The following GSG1L variants were observed in gnomAD, a reference collection of about 807,000 sequenced individuals.
The protein encoded by GSG1L is GSG1 like, also known as germ cell-specific gene 1-like protein.
Under a neutral mutation model 42.1 loss-of-function variants are expected in GSG1L, and 24 were observed. That is an observed-to-expected ratio of 0.57 (90% CI 0.41 to 0.80). The LOEUF (loss-of-function observed/expected upper bound fraction) is 0.80. Ranked by LOEUF, GSG1L falls within the 30% of genes least tolerant of loss-of-function variation. The pLI, the probability that GSG1L is intolerant of heterozygous loss-of-function variation, is 0.00. For missense variants in GSG1L, 445 were observed against 472.2 expected, an observed-to-expected ratio of 0.94 and a Z score of 0.53; for synonymous variants, 215 against 203.5, an observed-to-expected ratio of 1.06 and a Z score of -0.48.
At chr16:27,854,409 C>A (rs2083550049) in intron 3 of GSG1L, among the ~76,000 whole-genome samples, 1 of 152,050 alleles carries the variant, frequency 6.6e-6, no homozygotes, top group South Asian at 2.1e-4. Context: ...AAGGAATGAG[C>A]TGCACTATGC....
intron 1 of GSG1L, among the ~76,000 whole-genome samples, chr16:27,987,880 G>A (rs1457847532): frequency 6.7e-6 from 1 of 150,194 alleles, no homozygotes; most frequent in African/African-American, 2.5e-5. Flanking sequence ...CCAGGAGGCA[G>A]AGGTTGCAGT....
intron 4 of GSG1L, among the ~76,000 whole-genome samples, chr16:27,839,440 C>A (rs1407665949): frequency 6.6e-6 from 1 of 152,210 alleles, no homozygotes; most frequent in Non-Finnish European, 1.5e-5. Context: ...CCATTTCTCT[C>A]CAGACTGATA....
intron 5 of GSG1L, among the ~76,000 whole-genome samples, chr16:27,808,487 C>T (rs908845814): frequency 4.0e-5 from 6 of 150,976 alleles, no homozygotes; most frequent in East Asian, 1.9e-4. Context: ...GGCACGGTCT[C>T]GGCTCACTGC....
intron 1 of GSG1L, among the ~76,000 whole-genome samples, chr16:28,004,764 C>A (rs540748412): frequency 6.6e-6 from 1 of 151,858 alleles, no homozygotes; most frequent in Non-Finnish European, 1.5e-5. Context: ...GGCAACAGAG[C>A]AAGACCCTGT....
chr16:27,791,316 C>T lies in GSG1L; in HGVS notation c.*54G>A. On this transcript the variant is annotated 3_prime_UTR_variant, in exon 7 of 7. Transcript: ENST00000447459. Reference sequence around the variant, plus strand: ...GGGCACCACTCTGGTGGTCTTGCAGCAGGGGCTGGTGCCAGCGATGGCCTG... The same window carrying T: ...GGGCACCACTCTGGTGGTCTTGCAGTAGGGGCTGGTGCCAGCGATGGCCTG... 1.7e-6 allele frequency: 2 copies of T among 1,176,296 alleles called. No individual in the cohort carries two copies. The highest frequency in any genetic ancestry group is 1.1e-6 in the Non-Finnish European group (1 of 881,242). 72.9% of individuals were successfully genotyped at this position (1,176,296 alleles called of 1,614,324 possible).
intron 5 of GSG1L, among the ~76,000 whole-genome samples, chr16:27,827,542 C>G (rs2083224530): frequency 1.3e-5 from 2 of 152,052 alleles, no homozygotes. Flanking sequence ...AGGAGCAGTT[C>G]TGGGTGGAGC....
chr16:27,884,608 A>G lies in GSG1L; in HGVS notation c.428T>C (p.Val143Ala), dbSNP rs1377945667. The G allele has an allele frequency of 6.2e-7, 1 of 1,601,474 alleles. No homozygotes were observed. Among genetic ancestry groups the G allele is most frequent in the Non-Finnish European group, 8.5e-7 (1 of 1,174,038 alleles). ...AACCACCAGCAGCAGAATGTACAGC[A>G]CCTCGGAGACCACAGACAGCCACAG... The part of the protein sequence containing the change: ...GVLWLSVVSE[V>A]LYILLLVVGF... The change falls in exon 3 of 7, where the codon GTG (valine) becomes GCG (alanine). Residue 143 changes from valine to alanine, a missense_variant. Physicochemically the swap from Val to Ala is moderately conservative, Grantham distance 64. This residue lies in a region of GSG1L where 149 missense variants were observed against 223.3 expected (regional missense o/e 0.67). Transcript: ENST00000447459. This position sits in a 1 kb window ranked among gnomAD's most constrained non-coding sequence, Gnocchi z 4.4.
intron 3 of GSG1L, among the ~76,000 whole-genome samples, chr16:27,869,379 T>TATATA (rs2083773257): frequency 6.6e-6 from 1 of 151,632 alleles, no homozygotes; most frequent in Non-Finnish European, 1.5e-5. Flanking sequence ...GCCCATTTGC[T>TATATA]GCTGTTTGCT....
intron 5 of GSG1L, among the ~76,000 whole-genome samples, chr16:27,824,972 C>G (rs948620881): frequency 6.6e-6 from 1 of 152,212 alleles, no homozygotes; most frequent in African/African-American, 2.4e-5. Context: ...CTGGGCATTG[C>G]CACCATCCAC....
intron 3 of GSG1L, among the ~76,000 whole-genome samples, chr16:27,864,325 G>T (rs1411312527): frequency 1.3e-5 from 2 of 152,062 alleles, no homozygotes; most frequent in African/African-American, 4.8e-5. Flanking sequence ...CCAAAGGAAA[G>T]TCATTGTGTT....
intron 4 of GSG1L, among the ~76,000 whole-genome samples, chr16:27,831,677 A>G (rs971371413): frequency 1.3e-5 from 2 of 152,222 alleles, no homozygotes; most frequent in Non-Finnish European, 2.9e-5. Context: ...AACAGATGCT[A>G]TGCGGTGGAG....
intron 1 of GSG1L, among the ~76,000 whole-genome samples, chr16:27,981,787 G>A (rs77194495): frequency 0.021 from 3,128 of 152,232 alleles, 111 homozygotes; most frequent in African/African-American, 0.071. Context: ...ATAAATCAAG[G>A]GAAGAATTTT....
rs1431142410 is a variant in GSG1L at position 27,788,794 on chromosome 16, C to T, written c.*2576G>A. 6.6e-6 allele frequency: 1 copy of T among 152,232 alleles called. No individual in the cohort carries two copies. The highest frequency in any genetic ancestry group is 1.5e-5 in the Non-Finnish European group (1 of 68,046). 9.4% of individuals were successfully genotyped at this position (152,232 alleles called of 1,614,324 possible). A position where few individuals can be genotyped will look rare whatever the true frequency, so the allele number is the denominator to read the frequency against. ...CAAATATGTTAGCTCATTTAATTTG[C>T]ACAACAGCTTGAAGAGGTAGGTATA... On this transcript the variant is annotated 3_prime_UTR_variant, in exon 7 of 7. Coordinates refer to ENST00000447459, the MANE Select transcript of GSG1L (RefSeq NM_001109763.2).
rs530429348 is a variant in GSG1L, at chr16:27,979,996, A to T, written c.350-16793T>A. Among the ~76,000 whole-genome samples, 7 of 152,162 alleles carry T rather than the reference A, an allele frequency of 4.6e-5. No homozygotes were observed. The East Asian group carries it at 1.4e-3, about 29-fold the overall frequency. ...AGCTTTTTAAAAATTCTTTCCCTGG[A>T]TCCTAAGTTAGAGACACATGTCACT... On this transcript the variant is annotated intron_variant, in intron 1 of 6. Transcript: ENST00000447459.
At chr16:27,793,292 T>A (rs1329004501) in intron 6 of GSG1L, among the ~76,000 whole-genome samples, 1 of 152,232 alleles carries the variant, frequency 6.6e-6, no homozygotes, top group Non-Finnish European at 1.5e-5. Context: ...GGCTTTCACT[T>A]TTTTCTTTCT....
chr16:27,936,185 T>C (rs1036784295), intron 2 of GSG1L, among the ~76,000 whole-genome samples: 3 of 151,998 alleles, frequency 2.0e-5, no homozygotes, highest in African/African-American at 7.2e-5. Context: ...CGGCAGACCA[T>C]CCTGCCCACT....
intron 5 of GSG1L, 115 bp from the exon 6 acceptor site, chr16:27,807,669 A>G: frequency 1.2e-6 from 1 of 847,018 alleles, no homozygotes; most frequent in Non-Finnish European, 1.8e-6. Context: ...ATATTTTGCA[A>G]AGTAACTTTC....
chr16:28,021,041 C>T (rs2085836578), intron 1 of GSG1L, among the ~76,000 whole-genome samples: 1 of 152,170 alleles, frequency 6.6e-6, no homozygotes, highest in Non-Finnish European at 1.5e-5. Context: ...TAAGCCACTA[C>T]ATTTGGGGAT....
At chr16:27,824,903 G>A (rs966247355) in intron 5 of GSG1L, among the ~76,000 whole-genome samples, 1 of 152,238 alleles carries the variant, frequency 6.6e-6, no homozygotes, top group African/African-American at 2.4e-5. Flanking sequence ...TGGACATCTG[G>A]CTGCTTATGT....
Sources: allele counts gnomAD v4.1 joint callset (sites outside exome capture counted in the v4.1 genomes callset), GRCh38; gene constraint gnomAD v4.1.1; regional missense constraint gnomAD v4.1.1; non-coding constraint Gnocchi (gnomAD v3.1); transcripts MANE v1.5; gene names NCBI Gene and HGNC (gene_info 2026-07-23, HGNC 2026-07-21).